FARP1: variants seen among roughly 807,000 people sequenced by gnomAD.
The protein encoded by FARP1 is FERM, ARH/RhoGEF and pleckstrin domain protein 1.
In FARP1, 52 loss-of-function variants were observed where a neutral mutation model predicts 128.8. The ratio of observed to expected loss-of-function variants is 0.40; its 90% CI spans 0.32 to 0.51. The LOEUF (loss-of-function observed/expected upper bound fraction) is 0.51. Among genes scored for constraint, FARP1 ranks in the 20% least tolerant of loss-of-function variants. FARP1 has a pLI of 0.45. For missense variants in FARP1, 1,333 were observed against 1,367.9 expected, an observed-to-expected ratio of 0.97 and a Z score of 0.40; for synonymous variants, 580 against 551.8, an observed-to-expected ratio of 1.05 and a Z score of -0.72.
chr13:98,239,738 T>G (rs538625027), intron 2 of FARP1, among the ~76,000 whole-genome samples: 5 of 151,890 alleles, frequency 3.3e-5, no homozygotes, highest in African/African-American at 1.2e-4. Flanking sequence ...GAAGGGCTGC[T>G]CCCGGAGGAG....
rs77779541 is a variant in FARP1, at chr13:98,264,035, C to A, written c.171+50622C>A. On this transcript the variant is annotated intron_variant, in intron 2 of 26. Coordinates refer to ENST00000319562, the MANE Select transcript of FARP1 (RefSeq NM_005766.4). ...GTCACCATTCATTGAGCCCCAAGCA[C>A]TGGGCAAAAGTGTGTTAGGCAGAGG... Among the ~76,000 whole-genome samples, 1,183 of 152,278 alleles carry A rather than the reference C, an allele frequency of 7.8e-3. 17 individuals are homozygous for A. The highest frequency in any genetic ancestry group is 0.036 in the East Asian group (186 of 5,174).
chr13:98,150,814 TTTAAGA>T (rs1376293988), intron 1 of FARP1, among the ~76,000 whole-genome samples: 2 of 152,106 alleles, frequency 1.3e-5, no homozygotes, highest in African/African-American at 4.8e-5. Context: ...CAAAAAAGTG[TTTAAGA>T]TTATGATCAA....
chr13:98,168,545 C>T (rs1362547026), intron 1 of FARP1, among the ~76,000 whole-genome samples: 1 of 152,228 alleles, frequency 6.6e-6, no homozygotes. Context: ...GGGGTCTCCC[C>T]TACTGTAATC....
chr13:98,169,726 C>T (rs1435088491), intron 1 of FARP1, among the ~76,000 whole-genome samples: 1 of 152,092 alleles, frequency 6.6e-6, no homozygotes, highest in Admixed American at 6.6e-5. Context: ...TTCTTTTTCT[C>T]CCTGGAACAT....
rs115208317 is a variant in FARP1, at chr13:98,264,461, C to T, written c.171+51048C>T. Among the ~76,000 whole-genome samples, 457 of 152,322 alleles carry T rather than the reference C, an allele frequency of 3.0e-3. 2 individuals carry two copies. Among genetic ancestry groups the T allele is most frequent in the African/African-American group, 0.01 (421 of 41,572 alleles). On this transcript the variant is annotated intron_variant, in intron 2 of 26. Transcript: ENST00000319562. ...CCGTGCTCCCCGTCCGCCAGTCACT[C>T]AGGAGCTGCCTTGGTGCTCAGACCG...
intron 2 of FARP1, among the ~76,000 whole-genome samples, chr13:98,285,695 T>G (rs1885132392): frequency 6.6e-6 from 1 of 152,256 alleles, no homozygotes; most frequent in Non-Finnish European, 1.5e-5. Flanking sequence ...ACGACTCTCT[T>G]CCTTTATGGA....
rs546997027 is a variant in FARP1 at position 98,235,821 on chromosome 13, C to CTTTT, written c.171+22420_171+22423dup. ...CATAAACCGTACAATTCACCTCTGT[C>CTTTT]TTTTTTTTTTTTTTTCCCTGAGACA... On this transcript the variant is annotated intron_variant, in intron 2 of 26. Transcript: ENST00000319562. Among the ~76,000 whole-genome samples the CTTTT allele has an allele frequency of 9.0e-4, 123 of 137,042 alleles. 3 individuals carry two copies. Among genetic ancestry groups the CTTTT allele is most frequent in the African/African-American group, 3.3e-3 (118 of 36,072 alleles). The allele number at this position is 137,042 out of a possible 152,430, so 89.9% of individuals were successfully genotyped here.
chr13:98,405,226 A>G (rs1402909597), intron 13 of FARP1: 1 of 152,212 alleles, frequency 6.6e-6, no homozygotes, highest in Non-Finnish European at 1.5e-5. Context: ...AAGATGCTGC[A>G]AACCCAGCTT....
At chr13:98,380,581 C>T (rs1889854095) in intron 6 of FARP1, among the ~76,000 whole-genome samples, 2 of 151,934 alleles carry the variant, frequency 1.3e-5, no homozygotes, top group African/African-American at 4.8e-5. Flanking sequence ...AATATATCCC[C>T]CCCAAAATTT....
At chr13:98,247,118 T>G (rs1166089280) in intron 2 of FARP1, among the ~76,000 whole-genome samples, 4 of 152,170 alleles carry the variant, frequency 2.6e-5, no homozygotes. Context: ...CCCGCATGCC[T>G]GTAATCCCAG....
intron 2 of FARP1, among the ~76,000 whole-genome samples, chr13:98,312,165 G>A (rs1188804752): frequency 9.2e-5 from 4 of 43,524 alleles, no homozygotes; most frequent in Middle Eastern, 0.011. Flanking sequence ...CTTTGAGACG[G>A]AGTCTCGCTC....
chr13:98,172,644 T>G (rs546930211), intron 1 of FARP1, among the ~76,000 whole-genome samples: 60 of 152,200 alleles, frequency 3.9e-4, no homozygotes, highest in Non-Finnish European at 7.5e-4. Context: ...TCATATTTAT[T>G]TTTTGGAAGT....
chr13:98,223,605 T>G (rs986760397), intron 2 of FARP1, among the ~76,000 whole-genome samples: 1 of 152,100 alleles, frequency 6.6e-6, no homozygotes, highest in Admixed American at 6.5e-5. Flanking sequence ...GAATTACAGG[T>G]GTGAGCCACA....
intron 1 of FARP1, chr13:98,159,386 G>A (rs1294391089): frequency 6.6e-6 from 1 of 151,940 alleles, no homozygotes; most frequent in Non-Finnish European, 1.5e-5. Context: ...AGGGTGAGAG[G>A]AGATGTATCT....
intron 2 of FARP1, among the ~76,000 whole-genome samples, chr13:98,238,498 G>C (rs756771909): frequency 3.3e-5 from 5 of 152,200 alleles, no homozygotes; most frequent in Non-Finnish European, 5.9e-5. Context: ...TAAAAAAAGA[G>C]GGTTATTGGA....
intron 1 of FARP1, among the ~76,000 whole-genome samples, chr13:98,181,635 T>TGAGAGAG (rs781748804): frequency 6.5e-5 from 8 of 123,050 alleles, no homozygotes; most frequent in African/African-American, 2.5e-4. Context: ...TTTATTTATT[T>TGAGAGAG]ATTTATTTGA....
chr13:98,241,881 T>C (rs1405478104), intron 2 of FARP1, among the ~76,000 whole-genome samples: 2 of 152,130 alleles, frequency 1.3e-5, no homozygotes, highest in Admixed American at 1.3e-4. Flanking sequence ...ATTGCGCCAC[T>C]GCACAACAGC....
chr13:98,348,447 C>T (rs1391900909), intron 3 of FARP1, among the ~76,000 whole-genome samples: 2 of 152,240 alleles, frequency 1.3e-5, no homozygotes, highest in Admixed American at 6.5e-5. Flanking sequence ...ATTAGATGGC[C>T]ATGGGGGCGA....
intron 1 of FARP1, among the ~76,000 whole-genome samples, chr13:98,211,594 G>A (rs947714517): frequency 3.3e-5 from 5 of 152,104 alleles, no homozygotes; most frequent in South Asian, 2.1e-4. Flanking sequence ...CTGTGCCATC[G>A]TGTTTCTGTC....
Sources: gnomAD v4.1 joint callset for allele counts (sites outside exome capture counted in the v4.1 genomes callset) on GRCh38, gnomAD v4.1.1 for gene constraint, MANE v1.5 for transcripts, NCBI Gene and HGNC (gene_info 2026-07-23, HGNC 2026-07-21) for gene names.